Variants in PTPRT observed in about 807,000 individuals in gnomAD.
The protein encoded by PTPRT is receptor-type tyrosine-protein phosphatase T.
PTPRT carries 56 observed loss-of-function variants against 176.8 expected under a neutral mutation model. That is an observed-to-expected ratio of 0.32 (90% CI 0.26 to 0.40). The LOEUF is 0.40. Ranked by LOEUF, PTPRT falls within the 10% of genes least tolerant of loss-of-function variation. PTPRT has a pLI of 1.00. For missense variants in PTPRT, 1,540 were observed against 1,908.2 expected (o/e 0.81, Z 3.60); for synonymous variants, 783 against 739.0 (o/e 1.06, Z -0.96).
chr20:42,102,598 C>G (rs1440630984), intron 25 of PTPRT, among the ~76,000 whole-genome samples: 2 of 152,276 alleles, frequency 1.3e-5, no homozygotes, highest in Non-Finnish European at 1.5e-5. Context: ...CTAAGTCGTT[C>G]AGCTCAGCCA....
intron 6 of PTPRT, among the ~76,000 whole-genome samples, chr20:42,743,773 G>T (rs528256970): frequency 1.3e-5 from 2 of 152,206 alleles, no homozygotes; most frequent in East Asian, 3.8e-4. Flanking sequence ...GAACCTCATC[G>T]ATTACATTGG....
Position 42,110,341 on chromosome 20 carries a change from G to C in PTPRT, c.3246C>G (p.Val1082=), listed in dbSNP as rs2146290589. 6.2e-7 allele frequency: 1 copy of C among 1,609,408 alleles called. No homozygotes were observed. Among genetic ancestry groups the C allele is most frequent in the Non-Finnish European group, 8.5e-7 (1 of 1,176,914 alleles). ...LNPPEAGPIV[V]HCSAGAGRTG... is the part of the protein sequence containing the mutation. ...AAGGACCTTTGACTTACCTGCAGTG[G>C]ACCACTATGGGCCCAGCTTCCGGGG... Residue 1082 remains valine (V), a synonymous_variant, in exon 23 of 31, where the codon GTC becomes GTG. Transcript: ENST00000373187.
chr20:42,447,489 C>T (rs528866446), intron 9 of PTPRT, among the ~76,000 whole-genome samples: 305 of 152,114 alleles, frequency 2.0e-3, no homozygotes, highest in Middle Eastern at 3.4e-3. Flanking sequence ...TGTAAGAATA[C>T]AAGGGGTGGG....
At chr20:42,554,761 T>C (rs1011636696) in intron 7 of PTPRT, among the ~76,000 whole-genome samples, 3 of 152,152 alleles carry the variant, frequency 2.0e-5, no homozygotes, top group Admixed American at 6.6e-5. Flanking sequence ...CTTAAGCTGG[T>C]CAAATTTGTG....
At chr20:42,561,720 A>C (rs1363024459) in intron 7 of PTPRT, among the ~76,000 whole-genome samples, 1 of 152,218 alleles carries the variant, frequency 6.6e-6, no homozygotes, top group African/African-American at 2.4e-5. Context: ...GTGAGGGATC[A>C]GGAGAACTCT....
intron 11 of PTPRT, among the ~76,000 whole-genome samples, chr20:42,333,357 G>T (rs1054730192): frequency 6.6e-6 from 1 of 152,080 alleles, no homozygotes; most frequent in Admixed American, 6.6e-5. Context: ...TTTTGAGATG[G>T]AGTCTCGCTC....
At chr20:43,077,614 G>C (rs968077186) in intron 1 of PTPRT, among the ~76,000 whole-genome samples, 1 of 152,142 alleles carries the variant, frequency 6.6e-6, no homozygotes, top group Non-Finnish European at 1.5e-5. Flanking sequence ...GTTCCAGAGA[G>C]AGTAGAAAAA....
chr20:42,162,871 C>A (rs1989665006), intron 16 of PTPRT, among the ~76,000 whole-genome samples: 1 of 152,214 alleles, frequency 6.6e-6, no homozygotes, highest in Non-Finnish European at 1.5e-5. Flanking sequence ...CTCTACTTCT[C>A]GGCAGCAGCA....
rs955777663 is a variant in PTPRT at position 42,687,184 on chromosome 20, G to GC, written c.860-9026dup. On this transcript the variant is annotated intron_variant, in intron 6 of 30. Transcript: ENST00000373187. ...GCCTTAACTGATATTCTTATTTTGT[G>GC]CCCCCCCAACAGAGAGACAGAAAGA... The GC allele has an allele frequency of 2.9e-4, 44 of 151,900 alleles. No individual in the cohort carries two copies. In the Middle Eastern group the frequency reaches 0.01, roughly 35 times the overall value. The allele number at this position is 151,900 out of a possible 1,614,324, so 9.4% of individuals were successfully genotyped here. A position where few individuals can be genotyped will look rare whatever the true frequency, so the allele number is the denominator to read the frequency against.
intron 21 of PTPRT, among the ~76,000 whole-genome samples, chr20:42,117,656 T>C (rs1987355711): frequency 1.3e-5 from 2 of 151,928 alleles, no homozygotes; most frequent in Non-Finnish European, 2.9e-5. Context: ...ACATGAAGGG[T>C]GCGAGTGATA....
intron 7 of PTPRT, among the ~76,000 whole-genome samples, chr20:42,593,789 A>C (rs2073621048): frequency 6.6e-6 from 1 of 152,214 alleles, no homozygotes; most frequent in Non-Finnish European, 1.5e-5. Flanking sequence ...AATCTGTGGG[A>C]TAAAGATAGA....
chr20:42,152,274 A>G lies in PTPRT; in HGVS notation c.2682+9078T>C, dbSNP rs573436374. On this transcript the variant is annotated intron_variant, in intron 17 of 30. Coordinates refer to ENST00000373187, the MANE Select transcript of PTPRT (RefSeq NM_007050.6). ...AATTCCATCTTCTGTGCTGAAAAGC[A>G]CAAGACTTAGGGATTATAAATGTGG... Among the ~76,000 whole-genome samples the G allele has an allele frequency of 5.3e-5, 8 of 152,370 alleles. No homozygotes were observed. In the East Asian group the frequency reaches 1.2e-3, roughly 22 times the overall value.
chr20:43,166,814 C>T (rs2014870913), intron 1 of PTPRT, among the ~76,000 whole-genome samples: 1 of 152,142 alleles, frequency 6.6e-6, no homozygotes, highest in Admixed American at 6.5e-5. Context: ...AAATTCAACA[C>T]CGGGGTTATA....
intron 7 of PTPRT, among the ~76,000 whole-genome samples, chr20:42,598,461 T>C (rs1335443119): frequency 1.3e-5 from 2 of 152,132 alleles, no homozygotes; most frequent in African/African-American, 2.4e-5. Context: ...CAAAATAGTA[T>C]ACTCAAGGGC....
chr20:42,613,155 A>G (rs1328331550), intron 7 of PTPRT, among the ~76,000 whole-genome samples: 1 of 152,230 alleles, frequency 6.6e-6, no homozygotes, highest in Admixed American at 6.5e-5. Flanking sequence ...CAAAAACTTT[A>G]AACTTGGCAG....
intron 1 of PTPRT, among the ~76,000 whole-genome samples, chr20:43,172,054 G>A (rs367744176): frequency 6.6e-6 from 1 of 152,130 alleles, no homozygotes; most frequent in East Asian, 1.9e-4. Context: ...CACATTAAAG[G>A]GTTCAAAACC....
At chr20:42,595,370 C>T (rs2073652834) in intron 7 of PTPRT, among the ~76,000 whole-genome samples, 1 of 152,022 alleles carries the variant, frequency 6.6e-6, no homozygotes, top group African/African-American at 2.4e-5. Context: ...CATCCCTGGC[C>T]TCTACCCAGA....
At chr20:42,462,270 G>A (rs1212817511) in intron 8 of PTPRT, among the ~76,000 whole-genome samples, 1 of 152,120 alleles carries the variant, frequency 6.6e-6, no homozygotes, top group African/African-American at 2.4e-5. Flanking sequence ...AGACTAGAGG[G>A]ATGAATGGGC....
chr20:42,505,309 A>G lies in PTPRT; in HGVS notation c.1154-32747T>C, dbSNP rs139796149. ...AGCTACTCCTGTCTTTATTATTATT[A>G]TTGTTATTTTGAGATGGAGTCCCGC... On this transcript the variant is annotated intron_variant, in intron 7 of 30. Coordinates refer to ENST00000373187, the MANE Select transcript of PTPRT (RefSeq NM_007050.6). Among the ~76,000 whole-genome samples, 183 of 151,972 alleles carry G rather than the reference A, an allele frequency of 1.2e-3. 1 individual carries two copies. The highest frequency in any genetic ancestry group is 2.1e-3 in the Non-Finnish European group (142 of 67,944).
Sources: allele counts gnomAD v4.1 joint callset (sites outside exome capture counted in the v4.1 genomes callset), GRCh38; gene constraint gnomAD v4.1.1; transcripts MANE v1.5; gene names NCBI Gene and HGNC (gene_info 2026-07-23, HGNC 2026-07-21).